FYN: variants seen among roughly 807,000 people sequenced by gnomAD.
FYN encodes the protein tyrosine-protein kinase Fyn.
Under a neutral mutation model 70.2 loss-of-function variants are expected in FYN, and 10 were observed. The observed-to-expected ratio is 0.14, with a 90% CI of 0.09 to 0.24. The LOEUF is 0.24. Among genes scored for constraint, FYN ranks in the 10% least tolerant of loss-of-function variants. The probability of loss-of-function intolerance (pLI) is 1.00; values close to 1 mark genes in which losing one functional copy is unlikely to be tolerated. For missense variants in FYN, 319 were observed against 673.1 expected (o/e 0.47, Z 5.82); for synonymous variants, 236 against 248.6 (o/e 0.95, Z 0.48).
chr6:111,825,709 G>A (rs1191443957), intron 2 of FYN, among the ~76,000 whole-genome samples: 4 of 152,134 alleles, frequency 2.6e-5, no homozygotes, highest in African/African-American at 7.2e-5. Flanking sequence ...GGGGAGTTCT[G>A]TGATGCAGAA....
chr6:111,797,841 C>T lies in FYN; in HGVS notation c.-81-17206G>A, dbSNP rs191358270. Among the ~76,000 whole-genome samples the T allele has an allele frequency of 3.9e-3, 587 of 152,028 alleles. 6 individuals carry two copies. Among genetic ancestry groups the T allele is most frequent in the African/African-American group, 0.014 (572 of 41,498 alleles). ...GCAGTGGCACGATCTTGGCTCACTG[C>T]AACCTCCGCCTCCCAGGTGCAAGTG... On this transcript the variant is annotated intron_variant, in intron 2 of 13. Transcript: ENST00000354650.
intron 1 of FYN, among the ~76,000 whole-genome samples, chr6:111,859,199 G>A (rs1049545902): frequency 1.3e-5 from 2 of 152,132 alleles, no homozygotes; most frequent in Non-Finnish European, 2.9e-5. Flanking sequence ...CTTCCAGCCT[G>A]AATACTAGTT....
At position 111,846,582 on chromosome 6, in the gene FYN, A is replaced by T; in HGVS notation, c.-82+7T>A. On this transcript the variant is annotated splice_region_variant and intron_variant, in intron 2 of 13. Transcript: ENST00000354650. ...ACTTGCTCTCAGTGCAAAACTTGCCAACTTACTTTTTCCACGTTTAGATCA... is the reference window on the plus strand; with the variant it reads ...ACTTGCTCTCAGTGCAAAACTTGCCTACTTACTTTTTCCACGTTTAGATCA... 1 of 399,010 alleles carries T rather than the reference A, an allele frequency of 2.5e-6. No homozygotes were observed. Among genetic ancestry groups the T allele is most frequent in the Non-Finnish European group, 4.4e-6 (1 of 226,046 alleles). 24.7% of individuals were successfully genotyped at this position (399,010 alleles called of 1,614,324 possible). A position where few individuals can be genotyped will look rare whatever the true frequency, so the allele number is the denominator to read the frequency against.
intron 8 of FYN, among the ~76,000 whole-genome samples, chr6:111,702,104 CAT>C (rs1468138615): frequency 3.9e-5 from 6 of 152,070 alleles, no homozygotes; most frequent in African/African-American, 1.4e-4. Context: ...AGGATATAGA[CAT>C]GTGTCTATAC....
chr6:111,755,313 T>C (rs1244511868), intron 3 of FYN, among the ~76,000 whole-genome samples: 1 of 152,098 alleles, frequency 6.6e-6, no homozygotes, highest in African/African-American at 2.4e-5. Context: ...AAAAAACCAG[T>C]ATTTTGAGGG....
intron 3 of FYN, among the ~76,000 whole-genome samples, chr6:111,779,766 T>C (rs1771100946): frequency 6.6e-6 from 1 of 152,176 alleles, no homozygotes; most frequent in Non-Finnish European, 1.5e-5. Flanking sequence ...AAAATAAATA[T>C]GCCTCTTGGT....
At chr6:111,830,106 T>C (rs1050777778) in intron 2 of FYN, among the ~76,000 whole-genome samples, 1 of 152,054 alleles carries the variant, frequency 6.6e-6, no homozygotes, top group Non-Finnish European at 1.5e-5. Flanking sequence ...AGTTGCTAGG[T>C]GAAGAGAAGT....
chr6:111,788,702 T>C (rs1771494815), intron 2 of FYN, among the ~76,000 whole-genome samples: 1 of 152,192 alleles, frequency 6.6e-6, no homozygotes, highest in South Asian at 2.1e-4. Context: ...CCAAACTTGA[T>C]TGTCTGAAAA....
chr6:111,674,462 C>A (rs751243713), intron 13 of FYN, 37 bp downstream of exon 13: 1 of 1,572,690 alleles, frequency 6.4e-7, no homozygotes, highest in Non-Finnish European at 8.7e-7. Flanking sequence ...AAAAAGCCTC[C>A]AATCTCAGGC....
At chr6:111,794,908 C>T (rs1771753627) in intron 2 of FYN, among the ~76,000 whole-genome samples, 1 of 152,178 alleles carries the variant, frequency 6.6e-6, no homozygotes, top group African/African-American at 2.4e-5. Flanking sequence ...TTTTGTGCCT[C>T]TGGGCCTGTC....
intron 2 of FYN, among the ~76,000 whole-genome samples, chr6:111,841,897 C>T (rs76483524): frequency 0.019 from 2,917 of 151,886 alleles, 36 homozygotes; most frequent in Non-Finnish European, 0.031. Context: ...TCAGTTATTA[C>T]GCATGATACA....
At chr6:111,753,763 G>A (rs1310282147) in intron 3 of FYN, among the ~76,000 whole-genome samples, 1 of 152,200 alleles carries the variant, frequency 6.6e-6, no homozygotes, top group Non-Finnish European at 1.5e-5. Context: ...TGTTTGACAT[G>A]GCTGCTTAAA....
intron 1 of FYN, among the ~76,000 whole-genome samples, chr6:111,853,544 G>A (rs1396341966): frequency 1.3e-5 from 2 of 152,130 alleles, no homozygotes; most frequent in Non-Finnish European, 2.9e-5. Context: ...CTGTGGCAAA[G>A]AGCTGGATTT....
At position 111,661,023 on chromosome 6, in the gene FYN, C is replaced by G. The variant is rs181191258; in HGVS notation, c.*716G>C. 1 of 152,268 alleles carries G rather than the reference C, an allele frequency of 6.6e-6. No individual in the cohort carries two copies. Among genetic ancestry groups the G allele is most frequent in the East Asian group, 1.9e-4 (1 of 5,188 alleles). 9.4% of individuals were successfully genotyped at this position (152,268 alleles called of 1,614,324 possible). ...AGTAACAACCACCTACAGGTACAGT[C>G]ATGAACCAGGAAAGTGCAATCCAAA... On this transcript the variant is annotated 3_prime_UTR_variant, in exon 14 of 14. Transcript: ENST00000354650. This position sits in a 1 kb window ranked among gnomAD's most constrained non-coding sequence, Gnocchi z 4.0.
At chr6:111,823,716 A>T (rs548380014) in intron 2 of FYN, among the ~76,000 whole-genome samples, 1 of 152,178 alleles carries the variant, frequency 6.6e-6, no homozygotes, top group Non-Finnish European at 1.5e-5. Context: ...ATGCTAACAT[A>T]ACAGATCTCA....
At chr6:111,686,647 G>GT (rs968293181) in intron 12 of FYN, among the ~76,000 whole-genome samples, 4 of 150,252 alleles carry the variant, frequency 2.7e-5, no homozygotes, top group African/African-American at 2.4e-5. Context: ...AATTAAAAAG[G>GT]TTTTTTTTTT....
intron 13 of FYN, among the ~76,000 whole-genome samples, chr6:111,672,231 G>A (rs1798310077): frequency 6.6e-6 from 1 of 152,136 alleles, no homozygotes. Flanking sequence ...TGCTCTTCCC[G>A]CCTTCTGGGC....
chr6:111,786,506 G>C (rs1771392126), intron 2 of FYN, among the ~76,000 whole-genome samples: 2 of 152,180 alleles, frequency 1.3e-5, no homozygotes, highest in Non-Finnish European at 2.9e-5. Context: ...TGTGAATAGT[G>C]CCGCAATATG....
intron 2 of FYN, among the ~76,000 whole-genome samples, chr6:111,845,585 C>T (rs566847852): frequency 3.1e-4 from 47 of 152,324 alleles, no homozygotes; most frequent in Non-Finnish European, 5.3e-4. Flanking sequence ...AAACGAGCTG[C>T]ATTCAGAATG....
Sources: allele counts gnomAD v4.1 joint callset (sites outside exome capture counted in the v4.1 genomes callset), GRCh38; gene constraint gnomAD v4.1.1; non-coding constraint Gnocchi (gnomAD v3.1); transcripts MANE v1.5; gene names NCBI Gene and HGNC (gene_info 2026-07-23, HGNC 2026-07-21).